The following SLC25A17 variants were observed in gnomAD, a reference collection of about 807,000 sequenced individuals.
SLC25A17 encodes peroxisomal membrane protein PMP34.
Under a neutral mutation model 38.5 loss-of-function variants are expected in SLC25A17, and 26 were observed. The ratio of observed to expected loss-of-function variants is 0.68; its 90% CI spans 0.50 to 0.94. The LOEUF is 0.94. Among genes scored for constraint, SLC25A17 ranks in the 40% least tolerant of loss-of-function variants. The pLI is 0.00. For synonymous variants in SLC25A17, 139 were observed against 136.2 expected (o/e 1.02, Z -0.14); for missense variants, 333 against 372.7 (o/e 0.89, Z 0.88).
chr22:40,782,206 C>T (rs537209468), intron 4 of SLC25A17, among the ~76,000 whole-genome samples: 1 of 147,390 alleles, frequency 6.8e-6, no homozygotes, highest in Non-Finnish European at 1.5e-5. Context: ...GGTGTCAGAG[C>T]GAGACCCCAT....
chr22:40,805,093 T>G (rs182320663), intron 1 of SLC25A17, among the ~76,000 whole-genome samples: 5 of 152,312 alleles, frequency 3.3e-5, no homozygotes, highest in Non-Finnish European at 7.4e-5. Context: ...CCTAGCACTT[T>G]GGGAGGCCAA....
intron 3 of SLC25A17, among the ~76,000 whole-genome samples, chr22:40,792,986 G>A (rs954382718): frequency 1.3e-5 from 2 of 151,778 alleles, no homozygotes; most frequent in Non-Finnish European, 2.9e-5. Context: ...TTAGTTAATA[G>A]AGTACCATTC....
chr22:40,790,371 G>C (rs1297768888), intron 4 of SLC25A17, among the ~76,000 whole-genome samples: 1 of 142,480 alleles, frequency 7.0e-6, no homozygotes, highest in African/African-American at 2.6e-5. Context: ...AAGTGGAAGA[G>C]TGAACTTTAA....
chr22:40,772,715 C>T (rs886943063), intron 8 of SLC25A17, among the ~76,000 whole-genome samples: 2 of 151,860 alleles, frequency 1.3e-5, no homozygotes, highest in East Asian at 1.9e-4. Flanking sequence ...TAGCTCAGTA[C>T]AGCCTCAATC....
intron 1 of SLC25A17, among the ~76,000 whole-genome samples, chr22:40,811,998 C>T (rs1002583195): frequency 6.7e-6 from 1 of 150,374 alleles, no homozygotes; most frequent in African/African-American, 2.5e-5. Context: ...CAATTCTGAA[C>T]TGACACCTGG....
chr22:40,797,787 T>C (rs1395932758), intron 2 of SLC25A17, among the ~76,000 whole-genome samples: 1 of 152,240 alleles, frequency 6.6e-6, no homozygotes, highest in Non-Finnish European at 1.5e-5. Context: ...CAGAAATCAC[T>C]AGACTGGGGT....
At chr22:40,781,586 TACC>T (rs1371766983) in intron 4 of SLC25A17, among the ~76,000 whole-genome samples, 1 of 152,198 alleles carries the variant, frequency 6.6e-6, no homozygotes, top group African/African-American at 2.4e-5. Flanking sequence ...TACAAAAATG[TACC>T]ACATTACTTA....
rs188219154 is a variant in SLC25A17 at position 40,819,344 on chromosome 22, C to T, written c.-96G>A. 2,373 of 1,353,742 alleles carry T rather than the reference C, an allele frequency of 1.8e-3. 30 individuals carry two copies. The African/African-American group carries it at 0.031, about 18-fold the overall frequency. 83.9% of individuals were successfully genotyped at this position (1,353,742 alleles called of 1,614,324 possible). A position where few individuals can be genotyped will look rare whatever the true frequency, so the allele number is the denominator to read the frequency against. On this transcript the variant is annotated 5_prime_UTR_variant, in exon 1 of 9. Coordinates refer to ENST00000435456, the MANE Select transcript of SLC25A17 (RefSeq NM_006358.4). ...GCACCGGAGCTCAGGGTGTGAGAGT[C>T]GCAATCCCCGCCCTCTCAAACCCGC... is the stretch of plus-strand genomic sequence containing the variant.
intron 7 of SLC25A17, among the ~76,000 whole-genome samples, 187 bp from the exon 8 acceptor site, chr22:40,774,206 G>A (rs1191214059): frequency 6.7e-6 from 1 of 150,106 alleles, no homozygotes; most frequent in Admixed American, 6.6e-5. Context: ...TCAAATAAGT[G>A]AAAATAAGAA....
chr22:40,789,323 C>G lies in SLC25A17; in HGVS notation c.334+3202G>C, dbSNP rs911107723. 6.5e-6 allele frequency: 1 copy of G among 153,196 alleles called. No homozygotes were observed. The highest frequency in any genetic ancestry group is 1.5e-5 in the Non-Finnish European group (1 of 68,666). 9.5% of individuals were successfully genotyped at this position (153,196 alleles called of 1,614,324 possible). A position where few individuals can be genotyped will look rare whatever the true frequency, so the allele number is the denominator to read the frequency against. Reference sequence around the variant, plus strand: ...AGACACCGTCCACGCGGTGCCCGGACCCCGGACCAGCCACGGGGTGGGAAG... The same window carrying G: ...AGACACCGTCCACGCGGTGCCCGGAGCCCGGACCAGCCACGGGGTGGGAAG... On this transcript the variant is annotated intron_variant, in intron 4 of 8. Coordinates refer to ENST00000435456, the MANE Select transcript of SLC25A17 (RefSeq NM_006358.4). The surrounding 1 kb of genome is among the most constrained non-coding windows in gnomAD (Gnocchi z 4.5).
intron 7 of SLC25A17, 45 bp downstream of exon 7, chr22:40,776,995 T>C: frequency 1.3e-6 from 2 of 1,490,216 alleles, no homozygotes; most frequent in Non-Finnish European, 1.9e-6. Context: ...ACTACATGTA[T>C]TCGAATGCTG....
At chr22:40,778,570 A>AT (rs916257576) in intron 5 of SLC25A17, among the ~76,000 whole-genome samples, 24 of 151,710 alleles carry the variant, frequency 1.6e-4, no homozygotes, top group East Asian at 1.5e-3. Flanking sequence ...TGCAGCTTTT[A>AT]TTTTTTTTTA....
At chr22:40,773,145 C>A (rs2057202021) in intron 8 of SLC25A17, among the ~76,000 whole-genome samples, 2 of 152,020 alleles carry the variant, frequency 1.3e-5, no homozygotes, top group Non-Finnish European at 2.9e-5. Flanking sequence ...CGCGGTGGCT[C>A]ACACCTGTAA....
chr22:40,779,438 G>C lies in SLC25A17; in HGVS notation c.335-313C>G, dbSNP rs939526376. On this transcript the variant is annotated intron_variant, in intron 4 of 8. Coordinates refer to ENST00000435456, the MANE Select transcript of SLC25A17 (RefSeq NM_006358.4). ...CATTCAAAGTAGCAATTTTGATATA[G>C]CTTTAAATATAATTTTAACGTAACA... 8.6e-6 allele frequency: 5 copies of C among 582,332 alleles called. No homozygotes were observed. In the African/African-American group the frequency reaches 9.2e-5, roughly 11 times the overall value. 36.1% of individuals were successfully genotyped at this position (582,332 alleles called of 1,614,324 possible).
intron 1 of SLC25A17, among the ~76,000 whole-genome samples, chr22:40,806,920 C>T (rs754331757): frequency 2.0e-5 from 3 of 152,136 alleles, no homozygotes; most frequent in Non-Finnish European, 2.9e-5. Flanking sequence ...TAGGCACAAT[C>T]ATTGTATACT....
Position 40,792,682 on chromosome 22 carries a change from G to A in SLC25A17, c.183-6C>T. 2 of 1,613,374 alleles carry A rather than the reference G, an allele frequency of 1.2e-6. No homozygotes were observed. Among genetic ancestry groups the A allele is most frequent in the Non-Finnish European group, 1.7e-6 (2 of 1,179,698 alleles). On this transcript the variant is annotated splice_polypyrimidine_tract_variant and splice_region_variant and intron_variant, in intron 3 of 8. Coordinates refer to ENST00000435456, the MANE Select transcript of SLC25A17 (RefSeq NM_006358.4). ...ACCCTCGATATGGTGCCAGGCTAGG[G>A]GAAAAACACAATAAGCAAAGTAAAG...
intron 1 of SLC25A17, among the ~76,000 whole-genome samples, chr22:40,815,658 G>A (rs1792665793): frequency 6.6e-6 from 1 of 152,170 alleles, no homozygotes; most frequent in Admixed American, 6.5e-5. Flanking sequence ...TATGCTAGAT[G>A]CTCCACAAAT....
At chr22:40,794,909 G>A (rs565976082) in intron 2 of SLC25A17, among the ~76,000 whole-genome samples, 9 of 151,696 alleles carry the variant, frequency 5.9e-5, no homozygotes, top group African/African-American at 1.5e-4. Flanking sequence ...ATGAGCCACC[G>A]TGCCCCGCCT....
chr22:40,816,277 G>A (rs2057638882), intron 1 of SLC25A17, among the ~76,000 whole-genome samples: 1 of 151,880 alleles, frequency 6.6e-6, no homozygotes, highest in Admixed American at 6.6e-5. Context: ...AAGTATCTTT[G>A]TAGATTAAAT....
Sources: allele counts gnomAD v4.1 joint callset (sites outside exome capture counted in the v4.1 genomes callset), GRCh38; gene constraint gnomAD v4.1.1; non-coding constraint Gnocchi (gnomAD v3.1); transcripts MANE v1.5; gene names NCBI Gene and HGNC (gene_info 2026-07-23, HGNC 2026-07-21).